The following TEX26 variants were observed in gnomAD, a reference collection of about 807,000 sequenced individuals.
TEX26 encodes the protein testis-expressed protein 26.
Under a neutral mutation model 35.3 loss-of-function variants are expected in TEX26, and 34 were observed. The observed-to-expected ratio is 0.96, with a 90% CI of 0.73 to 1.28. The LOEUF is 1.28. Among genes scored for constraint, TEX26 ranks in the 50% most tolerant of loss-of-function variants. TEX26 has a pLI of 0.00. For synonymous variants in TEX26, 136 were observed against 111.8 expected (o/e 1.22, Z -1.36); for missense variants, 371 against 330.1 (o/e 1.12, Z -0.96).
chr13:30,947,619 A>G (rs1399651424), intron 2 of TEX26, among the ~76,000 whole-genome samples: 1 of 152,174 alleles, frequency 6.6e-6, no homozygotes, highest in Non-Finnish European at 1.5e-5. Flanking sequence ...GCATGTCTTA[A>G]CAAATGACTA....
chr13:30,949,400 CTTG>C (rs1953839098), intron 2 of TEX26, among the ~76,000 whole-genome samples: 1 of 151,902 alleles, frequency 6.6e-6, no homozygotes, highest in South Asian at 2.1e-4. Context: ...AAAATCAGTC[CTTG>C]TTGTTCAAAT....
At chr13:30,957,100 T>A (rs1482884389) in intron 4 of TEX26, 71 bp downstream of exon 4, 1 of 1,489,042 alleles carries the variant, frequency 6.7e-7, no homozygotes, top group African/African-American at 1.4e-5. Context: ...GTCGGCAGCA[T>A]GCGTGTGTTC....
At chr13:30,944,282 T>C (rs1953619903) in intron 2 of TEX26, among the ~76,000 whole-genome samples, 1 of 152,042 alleles carries the variant, frequency 6.6e-6, no homozygotes, top group Non-Finnish European at 1.5e-5. Context: ...TCTTTCATAA[T>C]TCTGTGGTGT....
At position 30,974,131 on chromosome 13, in the gene TEX26, A is replaced by AATAT. The variant is rs1555271791; in HGVS notation, c.809-693_809-690dup. ...GTGAGCCTCCATCTAAAAAAAAAAAAATATATATATATATATATATATATA... is the reference window on the plus strand; with the variant it reads ...GTGAGCCTCCATCTAAAAAAAAAAAAATATATATATATATATATATATATATATA... On this transcript the variant is annotated intron_variant, in intron 6 of 6. Transcript: ENST00000380473. 2.1e-3 allele frequency among the ~76,000 whole-genome samples: 175 copies of AATAT among 84,404 alleles called. 1 individual carries two copies. Among genetic ancestry groups the AATAT allele is most frequent in the East Asian group, 7.8e-3 (25 of 3,188 alleles). 55.4% of individuals were successfully genotyped at this position (84,404 alleles called of 152,430 possible).
chr13:30,963,107 C>T (rs1057070514), intron 4 of TEX26, among the ~76,000 whole-genome samples: 3 of 152,146 alleles, frequency 2.0e-5, no homozygotes, highest in Admixed American at 2.0e-4. Context: ...GCATTGCAGG[C>T]ATGAGCCACC....
Position 30,953,088 on chromosome 13 carries a change from C to A in TEX26, c.312+263C>A, listed in dbSNP as rs78844372. Among the ~76,000 whole-genome samples, 454 of 152,160 alleles carry A rather than the reference C, an allele frequency of 3.0e-3. 8 individuals are homozygous for A. Among genetic ancestry groups the A allele is most frequent in the East Asian group, 0.022 (112 of 5,172 alleles). ...TATAAAATTAACCTTTTAAAGTGAA[C>A]AATTCACTGGCATTTAGTACATACA... On this transcript the variant is annotated intron_variant, in intron 3 of 6. Coordinates refer to ENST00000380473, the MANE Select transcript of TEX26 (RefSeq NM_152325.3).
intron 4 of TEX26, among the ~76,000 whole-genome samples, chr13:30,957,843 A>G (rs756962151): frequency 3.9e-5 from 6 of 152,242 alleles, no homozygotes; most frequent in Non-Finnish European, 7.3e-5. Context: ...GAACAAATAA[A>G]TGAATGATAG....
In TEX26 at chr13:30,957,040, T is replaced by TG. The variant is rs1422438207; in HGVS notation, c.469+11_469+12insG. On this transcript the variant is annotated intron_variant, in intron 4 of 6. Transcript: ENST00000380473. ...TGGACAGATCAAAAGGTAAACACTT[T>TG]TGTTTTTCTTTTTTTCCTGGGTCAT... The TG allele has an allele frequency of 3.1e-6, 5 of 1,610,832 alleles. No individual in the cohort carries two copies. In the Admixed American group the frequency reaches 8.4e-5, roughly 27 times the overall value.
intron 4 of TEX26, among the ~76,000 whole-genome samples, chr13:30,962,597 A>G (rs1035406732): frequency 5.3e-5 from 8 of 152,136 alleles, no homozygotes; most frequent in Non-Finnish European, 1.2e-4. Flanking sequence ...GACTTATGAT[A>G]TTGTAATAAT....
chr13:30,935,678 G>A (rs1353049672), intron 1 of TEX26, among the ~76,000 whole-genome samples: 1 of 152,224 alleles, frequency 6.6e-6, no homozygotes, highest in Non-Finnish European at 1.5e-5. Context: ...CTTGCCTATG[G>A]AGAGGAGCTA....
At chr13:30,974,247 A>G (rs1188749175) in intron 6 of TEX26, among the ~76,000 whole-genome samples, 1 of 151,072 alleles carries the variant, frequency 6.6e-6, no homozygotes, top group East Asian at 1.9e-4. Context: ...GGGGAGTTGA[A>G]GGGCCTTCCC....
In TEX26 at chr13:30,974,131, A is replaced by AAAAATATATATATATATATAT; in HGVS notation, c.809-714_809-713insAAATATATATATATATATATA. On this transcript the variant is annotated intron_variant, in intron 6 of 6. Transcript: ENST00000380473. The stretch of plus-strand genomic sequence containing the variant: ...GTGAGCCTCCATCTAAAAAAAAAAA[A>AAAAATATATATATATATATAT]ATATATATATATATATATATATATA... Among the ~76,000 whole-genome samples the AAAAATATATATATATATATAT allele has an allele frequency of 1.7e-4, 14 of 84,402 alleles. No homozygotes were observed. In the East Asian group the frequency reaches 1.9e-3, roughly 11 times the overall value. 55.4% of individuals were successfully genotyped at this position (84,402 alleles called of 152,430 possible).
intron 2 of TEX26, among the ~76,000 whole-genome samples, chr13:30,949,185 GC>G (rs1220133958): frequency 2.6e-5 from 4 of 152,156 alleles, no homozygotes; most frequent in African/African-American, 9.7e-5. Flanking sequence ...GATGCCTCAA[GC>G]TTTGACTTTC....
chr13:30,956,028 A>G (rs1048468103), intron 3 of TEX26, among the ~76,000 whole-genome samples: 4 of 152,146 alleles, frequency 2.6e-5, no homozygotes, highest in Admixed American at 6.5e-5. Flanking sequence ...TTTTATTATT[A>G]TTATACTTTA....
At chr13:30,954,645 A>T (rs952821465) in intron 3 of TEX26, among the ~76,000 whole-genome samples, 1 of 151,908 alleles carries the variant, frequency 6.6e-6, no homozygotes, top group Non-Finnish European at 1.5e-5. Flanking sequence ...TTTTGTAGAG[A>T]TAGAATCTCA....
At chr13:30,943,782 T>C (rs1462408013) in intron 2 of TEX26, among the ~76,000 whole-genome samples, 1 of 152,142 alleles carries the variant, frequency 6.6e-6, no homozygotes, top group East Asian at 1.9e-4. Context: ...CATGCATATG[T>C]TAAAGCATGC....
intron 4 of TEX26, among the ~76,000 whole-genome samples, chr13:30,960,015 C>T (rs910603810): frequency 6.6e-6 from 1 of 152,152 alleles, no homozygotes; most frequent in African/African-American, 2.4e-5. Flanking sequence ...GAAGTGATTT[C>T]CAACCTAAAA....
At chr13:30,952,908 A>G in intron 3 of TEX26, 83 bp downstream of exon 3, 1 of 1,226,702 alleles carries the variant, frequency 8.2e-7, no homozygotes, top group Non-Finnish European at 1.1e-6. Flanking sequence ...AATATGTCAC[A>G]AAGATCTCTC....
Position 30,952,657 on chromosome 13 carries a change from T to C in TEX26, c.147-3T>C, listed in dbSNP as rs752482750. On this transcript the variant is annotated splice_polypyrimidine_tract_variant and splice_region_variant and intron_variant, in intron 2 of 6. Coordinates refer to ENST00000380473, the MANE Select transcript of TEX26 (RefSeq NM_152325.3). ...CTCTAATTTCTGCTGGGTTTTTTTA[T>C]AGCCAAAACGGTATCAGAAGATTAG... 17 of 1,562,788 alleles carry C rather than the reference T, an allele frequency of 1.1e-5. No homozygotes were observed. Among genetic ancestry groups the C allele is most frequent in the South Asian group, 1.3e-5 (1 of 78,438 alleles).
Sources: allele counts gnomAD v4.1 joint callset (sites outside exome capture counted in the v4.1 genomes callset), GRCh38; gene constraint gnomAD v4.1.1; transcripts MANE v1.5; gene names NCBI Gene and HGNC (gene_info 2026-07-23, HGNC 2026-07-21).